Variants in SCYL3 observed in about 807,000 individuals in gnomAD.
The protein encoded by SCYL3 is protein-associating with the carboxyl-terminal domain of ezrin.
A neutral mutation model predicts 73.8 loss-of-function variants in SCYL3; 35 were observed. That is an observed-to-expected ratio of 0.47 (90% CI 0.36 to 0.63). SCYL3 has a LOEUF of 0.63. SCYL3 is among the 20% of genes least tolerant of loss of function. The pLI is 0.00. For synonymous variants in SCYL3, 277 were observed against 295.2 expected (o/e 0.94, Z 0.63); for missense variants, 712 against 798.9 (o/e 0.89, Z 1.31).
intron 2 of SCYL3, among the ~76,000 whole-genome samples, chr1:169,885,353 AC>A (rs1661604407): frequency 6.6e-6 from 1 of 152,226 alleles, no homozygotes. Flanking sequence ...CAGAGGCTTA[AC>A]TTTTTATTGT....
intron 7 of SCYL3, among the ~76,000 whole-genome samples, chr1:169,867,591 C>A (rs1043872191): frequency 2.0e-5 from 3 of 152,182 alleles, no homozygotes; most frequent in African/African-American, 7.2e-5. Context: ...TATTGGGAGG[C>A]CCAGTAAGCA....
At chr1:169,883,327 A>G (rs1661437883) in intron 2 of SCYL3, among the ~76,000 whole-genome samples, 1 of 152,116 alleles carries the variant, frequency 6.6e-6, no homozygotes, top group Non-Finnish European at 1.5e-5. Flanking sequence ...CTGCTGTGCC[A>G]TCCTGTTCCT....
intron 5 of SCYL3, among the ~76,000 whole-genome samples, chr1:169,870,728 A>AG (rs1479067398): frequency 6.6e-6 from 1 of 152,094 alleles, no homozygotes; most frequent in Non-Finnish European, 1.5e-5. Flanking sequence ...TTACTATCTA[A>AG]GATGCCCAAA....
chr1:169,878,542 G>T, intron 3 of SCYL3, 92 bp downstream of exon 3: 1 of 1,111,234 alleles, frequency 9.0e-7, no homozygotes, highest in South Asian at 1.8e-5. Flanking sequence ...CAATTTCTAT[G>T]AACACCATAA....
rs1558115938 is a variant in SCYL3 at position 169,855,811 on chromosome 1, T to C, written c.1313-847A>G. 2 of 1,613,152 alleles carry C rather than the reference T, an allele frequency of 1.2e-6. No homozygotes were observed. Among genetic ancestry groups the C allele is most frequent in the East Asian group, 4.5e-5 (2 of 44,842 alleles). On this transcript the variant is annotated intron_variant, in intron 11 of 12. Transcript: ENST00000367771. ...ATATTTCTACCTGTCTGTAAAAGAG[T>C]ATTGTAGTAATCTCGCTGTATGTGC...
At chr1:169,855,122 G>A (rs944916675) in intron 11 of SCYL3, among the ~76,000 whole-genome samples, 158 bp from the exon 12 acceptor site, 14 of 152,156 alleles carry the variant, frequency 9.2e-5, no homozygotes, top group African/African-American at 3.1e-4. Context: ...CATTACTCAA[G>A]ATCAACGATG....
chr1:169,853,609 G>C lies in SCYL3; in HGVS notation c.*104C>G. 8.2e-7 allele frequency: 1 copy of C among 1,219,204 alleles called. No homozygotes were observed. The highest frequency in any genetic ancestry group is 1.3e-5 in the South Asian group (1 of 76,260). 75.5% of individuals were successfully genotyped at this position (1,219,204 alleles called of 1,614,324 possible). A position where few individuals can be genotyped will look rare whatever the true frequency, so the allele number is the denominator to read the frequency against. ...ATAATGAGCTCCTGGGATGGGAAAAGCAGGCCACTTTGGGGTTTTCTTGTC... is the reference window on the plus strand; with the variant it reads ...ATAATGAGCTCCTGGGATGGGAAAACCAGGCCACTTTGGGGTTTTCTTGTC... On this transcript the variant is annotated 3_prime_UTR_variant, in exon 13 of 13. Coordinates refer to ENST00000367771, the MANE Select transcript of SCYL3 (RefSeq NM_020423.7).
intron 2 of SCYL3, among the ~76,000 whole-genome samples, chr1:169,879,588 A>G (rs1661101707): frequency 1.3e-5 from 2 of 152,160 alleles, no homozygotes; most frequent in South Asian, 2.1e-4. Context: ...AAACATCAGC[A>G]TTTTCCAAAG....
Position 169,852,588 on chromosome 1 carries a change from T to G in SCYL3, c.*1125A>C, listed in dbSNP as rs918761968. 1.0e-5 allele frequency: 6 copies of G among 586,390 alleles called. No individual in the cohort carries two copies. Among genetic ancestry groups the G allele is most frequent in the Non-Finnish European group, 1.5e-5 (5 of 331,918 alleles). 36.3% of individuals were successfully genotyped at this position (586,390 alleles called of 1,614,324 possible). Reference sequence around the variant, plus strand: ...CACATACAAACTAAGACACTGGTAGTAGCACTCTGAATTGCTATGATAAAC... The same window carrying G: ...CACATACAAACTAAGACACTGGTAGGAGCACTCTGAATTGCTATGATAAAC... On this transcript the variant is annotated 3_prime_UTR_variant, in exon 13 of 13. Coordinates refer to ENST00000367771, the MANE Select transcript of SCYL3 (RefSeq NM_020423.7).
rs905019942 is a variant in SCYL3 at position 169,855,829 on chromosome 1, G to T, written c.1313-865C>A. 3 of 1,613,850 alleles carry T rather than the reference G, an allele frequency of 1.9e-6. No individual in the cohort carries two copies. In the African/African-American group the frequency reaches 4.0e-5, roughly 22 times the overall value. On this transcript the variant is annotated intron_variant, in intron 11 of 12. Transcript: ENST00000367771. Reference sequence around the variant, plus strand: ...AAAAGAGTATTGTAGTAATCTCGCTGTATGTGCTTCTTGCTGTTGATGGGC... The same window carrying T: ...AAAAGAGTATTGTAGTAATCTCGCTTTATGTGCTTCTTGCTGTTGATGGGC...
At chr1:169,884,305 T>C (rs1661517816) in intron 2 of SCYL3, among the ~76,000 whole-genome samples, 1 of 152,146 alleles carries the variant, frequency 6.6e-6, no homozygotes, top group Non-Finnish European at 1.5e-5. Context: ...TTTCGTTTTG[T>C]TTTGTTTTTG....
At chr1:169,864,089 G>C (rs972052657) in intron 9 of SCYL3, among the ~76,000 whole-genome samples, 1 of 152,152 alleles carries the variant, frequency 6.6e-6, no homozygotes, top group Non-Finnish European at 1.5e-5. Flanking sequence ...GTTCTTTGAA[G>C]ATGCATGCCT....
At chr1:169,870,014 CAT>C (rs1415584773) in intron 6 of SCYL3, among the ~76,000 whole-genome samples, 2 of 152,212 alleles carry the variant, frequency 1.3e-5, no homozygotes, top group African/African-American at 2.4e-5. Context: ...GGTAATCACA[CAT>C]GATACTGACA....
chr1:169,876,143 G>A, intron 3 of SCYL3, 52 bp from the exon 4 acceptor site: 1 of 1,048,464 alleles, frequency 9.5e-7, no homozygotes, highest in Middle Eastern at 2.1e-4. Flanking sequence ...ATCTGAAATA[G>A]AAATTTACTT....
At position 169,853,402 on chromosome 1, in the gene SCYL3, A is replaced by G. The variant is rs1046058; in HGVS notation, c.*311T>C. 0.073 allele frequency: 26,618 copies of G among 363,132 alleles called. 1,225 individuals are homozygous for G. The highest frequency in any genetic ancestry group is 0.094 in the Non-Finnish European group (19,187 of 203,094). 22.5% of individuals were successfully genotyped at this position (363,132 alleles called of 1,614,324 possible). A position where few individuals can be genotyped will look rare whatever the true frequency, so the allele number is the denominator to read the frequency against. On this transcript the variant is annotated 3_prime_UTR_variant, in exon 13 of 13. Coordinates refer to ENST00000367771, the MANE Select transcript of SCYL3 (RefSeq NM_020423.7). ...CTTGAATTACATTTTCTTTACTTCC[A>G]GAATTGTCCTGGAAAAAGCAGTAAA...
chr1:169,882,373 T>C (rs1661342824), intron 2 of SCYL3, among the ~76,000 whole-genome samples: 1 of 152,214 alleles, frequency 6.6e-6, no homozygotes, highest in Non-Finnish European at 1.5e-5. Flanking sequence ...ACCTGCAGCA[T>C]GCCATGCCTG....
upstream of SCYL3, chr1:169,894,177 AAT>A (rs1447194710): frequency 6.6e-6 from 1 of 152,284 alleles, no homozygotes; most frequent in Non-Finnish European, 1.5e-5. Flanking sequence ...TCTTGACTTG[AAT>A]TTTTAGGCTT....
intron 3 of SCYL3, among the ~76,000 whole-genome samples, chr1:169,877,669 C>T (rs947511054): frequency 5.3e-5 from 8 of 152,146 alleles, no homozygotes; most frequent in Non-Finnish European, 8.8e-5. Context: ...ACACGAGTTA[C>T]CACCATTGCC....
intron 4 of SCYL3, among the ~76,000 whole-genome samples, chr1:169,875,367 G>T (rs1048901641): frequency 3.3e-5 from 5 of 152,146 alleles, no homozygotes; most frequent in African/African-American, 1.2e-4. Flanking sequence ...ACAGAAAACA[G>T]AAAGGTTCAT....
Sources: allele counts gnomAD v4.1 joint callset (sites outside exome capture counted in the v4.1 genomes callset), GRCh38; gene constraint gnomAD v4.1.1; transcripts MANE v1.5; gene names NCBI Gene and HGNC (gene_info 2026-07-23, HGNC 2026-07-21).